ATP2B4: variants seen among roughly 807,000 people sequenced by gnomAD.
The protein encoded by ATP2B4 is plasma membrane calcium-transporting ATPase 4.
In ATP2B4, 39 loss-of-function variants were observed where a neutral mutation model predicts 110.3. That is an observed-to-expected ratio of 0.35 (90% CI 0.27 to 0.46). The LOEUF (loss-of-function observed/expected upper bound fraction) is 0.46, where lower values mean the gene tolerates loss of function less well. ATP2B4 is among the 20% of genes least tolerant of loss of function. ATP2B4 has a pLI of 1.00. For missense variants in ATP2B4, 1,135 were observed against 1,530.9 expected (o/e 0.74, Z 4.32); for synonymous variants, 538 against 571.7 (o/e 0.94, Z 0.84).
intron 14 of ATP2B4, 62 bp downstream of exon 14, chr1:203,713,314 TAAG>T: frequency 6.3e-7 from 1 of 1,593,776 alleles, no homozygotes; most frequent in Non-Finnish European, 8.6e-7. Flanking sequence ...CGAGGACAGA[TAAG>T]AACCACCAGC....
Position 203,715,086 on chromosome 1 carries a change from C to T in ATP2B4, c.2406+809C>T, listed in dbSNP as rs144253661. 7.9e-5 allele frequency among the ~76,000 whole-genome samples: 12 copies of T among 152,180 alleles called. No individual in the cohort carries two copies. The East Asian group carries it at 2.3e-3, about 29-fold the overall frequency. ...GTCTTCAGCTGAATTGTTTTTGAAG[C>T]AAATGCAAGGCATCATGTAATTTCA... On this transcript the variant is annotated intron_variant, in intron 15 of 20. Coordinates refer to ENST00000357681, the MANE Select transcript of ATP2B4 (RefSeq NM_001684.5).
intron 8 of ATP2B4, among the ~76,000 whole-genome samples, chr1:203,704,680 C>T (rs1665798635): frequency 6.6e-6 from 1 of 151,804 alleles, no homozygotes; most frequent in Non-Finnish European, 1.5e-5. Flanking sequence ...GGGGTTTCAC[C>T]ATGTTGGCCA....
At chr1:203,666,670 T>C (rs1013048996) in intron 1 of ATP2B4, among the ~76,000 whole-genome samples, 3 of 152,216 alleles carry the variant, frequency 2.0e-5, no homozygotes, top group Non-Finnish European at 4.4e-5. Flanking sequence ...TCTCTCCCTA[T>C]GCTCACCAGG....
At chr1:203,698,745 T>C (rs144020525) in intron 3 of ATP2B4, among the ~76,000 whole-genome samples, 12 of 152,248 alleles carry the variant, frequency 7.9e-5, no homozygotes, top group Middle Eastern at 6.8e-3. Flanking sequence ...CAAGCAATTC[T>C]CGTGCCTCGG....
At position 203,711,000 on chromosome 1, in the gene ATP2B4, T is replaced by C; in HGVS notation, c.1923T>C (p.Ala641=). 1 of 1,614,104 alleles carries C rather than the reference T, an allele frequency of 6.2e-7. No individual in the cohort carries two copies. The highest frequency in any genetic ancestry group is 8.5e-7 in the Non-Finnish European group (1 of 1,180,004). ...ATGGACTCCGGACTATCTGCATAGC[T>C]TACCGGGACTTCGATGACACAGAGC... ...ACDGLRTICI[A]YRDFDDTEPS... is the part of the protein sequence containing the mutation. The change falls in exon 12 of 21, where the codon GCT becomes GCC. Residue 641 remains alanine, a synonymous_variant. Transcript: ENST00000357681.
At position 203,672,162 on chromosome 1, in the gene ATP2B4, G is replaced by T. The variant is rs565757691; in HGVS notation, c.-464-10580G>T. Reference sequence around the variant, plus strand: ...GGAGCTGAGCCAGAGGCAGGGCTTTGGTTCCTAAGTGATTAGAGGCCTGCA... The same window carrying T: ...GGAGCTGAGCCAGAGGCAGGGCTTTTGTTCCTAAGTGATTAGAGGCCTGCA... On this transcript the variant is annotated intron_variant, in intron 1 of 20. Transcript: ENST00000357681. Among the ~76,000 whole-genome samples the T allele has an allele frequency of 1.2e-4, 19 of 152,260 alleles. No individual in the cohort carries two copies. In the East Asian group the frequency reaches 3.3e-3, roughly 26 times the overall value.
At chr1:203,643,488 T>TA (rs769741187) in intron 1 of ATP2B4, among the ~76,000 whole-genome samples, 4 of 152,214 alleles carry the variant, frequency 2.6e-5, no homozygotes, top group African/African-American at 4.8e-5. Flanking sequence ...TCTCCCCTGC[T>TA]TTTCCCAGCA....
intron 1 of ATP2B4, among the ~76,000 whole-genome samples, chr1:203,669,439 G>A (rs1005840676): frequency 1.3e-4 from 20 of 152,124 alleles, no homozygotes; most frequent in South Asian, 6.2e-4. Flanking sequence ...TTGTTTGTTC[G>A]TTTGTCTGTT....
chr1:203,647,655 AG>A (rs1245331357), intron 1 of ATP2B4, among the ~76,000 whole-genome samples: 1 of 152,064 alleles, frequency 6.6e-6, no homozygotes, highest in East Asian at 1.9e-4. Flanking sequence ...GTTACTCGGG[AG>A]GCTGAGGTGG....
At chr1:203,670,422 A>G (rs1474118356) in intron 1 of ATP2B4, among the ~76,000 whole-genome samples, 1 of 152,062 alleles carries the variant, frequency 6.6e-6, no homozygotes, top group East Asian at 1.9e-4. Flanking sequence ...CAGGTGACCC[A>G]CCTGCCTTGG....
At chr1:203,673,360 C>G (rs1664733297) in intron 1 of ATP2B4, among the ~76,000 whole-genome samples, 1 of 152,224 alleles carries the variant, frequency 6.6e-6, no homozygotes, top group African/African-American at 2.4e-5. Context: ...TGCAAGGAAG[C>G]ATGATCAGTT....
chr1:203,728,595 C>T (rs567111560), intron 20 of ATP2B4, among the ~76,000 whole-genome samples: 9 of 152,018 alleles, frequency 5.9e-5, no homozygotes, highest in Admixed American at 2.6e-4. Flanking sequence ...TGGTGGCTCA[C>T]GCCTGTAATC....
intron 1 of ATP2B4, among the ~76,000 whole-genome samples, chr1:203,666,874 A>G (rs1355792025): frequency 6.6e-6 from 1 of 152,218 alleles, no homozygotes; most frequent in Admixed American, 6.5e-5. Flanking sequence ...TGGCCTAAGA[A>G]GCCACTTTGA....
chr1:203,735,410 G>A (rs1006716943), intron 20 of ATP2B4, among the ~76,000 whole-genome samples: 3 of 152,188 alleles, frequency 2.0e-5, no homozygotes, highest in Non-Finnish European at 4.4e-5. Context: ...GTGGGAAGGA[G>A]TTTATCTGTA....
intron 1 of ATP2B4, among the ~76,000 whole-genome samples, chr1:203,678,483 A>G (rs1664896789): frequency 6.8e-6 from 1 of 146,888 alleles, no homozygotes; most frequent in African/African-American, 2.5e-5. Flanking sequence ...TGCACACTGC[A>G]GCTTCCACCT....
intron 2 of ATP2B4, among the ~76,000 whole-genome samples, chr1:203,697,185 A>G (rs74971685): frequency 1.0e-3 from 154 of 152,280 alleles, no homozygotes; most frequent in Non-Finnish European, 1.9e-3. Flanking sequence ...TGTGTGACAG[A>G]AGAGGGGCAC....
In ATP2B4 at chr1:203,683,056, T is replaced by C. The variant is rs1354965542; in HGVS notation, c.-150T>C. ...TTCGGACGGCTACTCGGGAGCTTAT[T>C]GCACAAGATATATTCAATCTATTCC... On this transcript the variant is annotated 5_prime_UTR_variant, in exon 2 of 21. Transcript: ENST00000357681. 10 of 807,256 alleles carry C rather than the reference T, an allele frequency of 1.2e-5. No individual in the cohort carries two copies. Among genetic ancestry groups the C allele is most frequent in the Non-Finnish European group, 1.9e-5 (10 of 524,308 alleles). The allele number at this position is 807,256 out of a possible 1,614,324, so 50.0% of individuals were successfully genotyped here.
chr1:203,653,337 C>T lies in ATP2B4; in HGVS notation c.-465+26118C>T, dbSNP rs72743688. ...GAGGTTTAACGAGAGAAGCTGTCTC[C>T]ACAACGTAAAGGTGAAGCAGCAAGT... On this transcript the variant is annotated intron_variant, in intron 1 of 20. Coordinates refer to ENST00000357681, the MANE Select transcript of ATP2B4 (RefSeq NM_001684.5). 8.0e-3 allele frequency among the ~76,000 whole-genome samples: 1,216 copies of T among 152,294 alleles called. 16 individuals carry two copies. Among genetic ancestry groups the T allele is most frequent in the Non-Finnish European group, 0.011 (779 of 68,038 alleles).
At chr1:203,704,921 G>A (rs1164047993) in intron 8 of ATP2B4, among the ~76,000 whole-genome samples, 1 of 151,536 alleles carries the variant, frequency 6.6e-6, no homozygotes, top group Non-Finnish European at 1.5e-5. Flanking sequence ...AGTTCAGGGG[G>A]TCTGGTGTGG....
Sources: allele counts gnomAD v4.1 joint callset (sites outside exome capture counted in the v4.1 genomes callset), GRCh38; gene constraint gnomAD v4.1.1; transcripts MANE v1.5; gene names NCBI Gene and HGNC (gene_info 2026-07-23, HGNC 2026-07-21).